GLT1D1: variants seen among roughly 807,000 people sequenced by gnomAD.
The protein encoded by GLT1D1 is glycosyltransferase 1 domain containing 1.
In GLT1D1, 21 loss-of-function variants were observed where a neutral mutation model predicts 28.7. That is an observed-to-expected ratio of 0.73 (90% confidence interval 0.52 to 1.05). The LOEUF is 1.05. GLT1D1 is among the 50% of genes least tolerant of loss of function. GLT1D1 has a pLI of 0.00. For synonymous variants in GLT1D1, 147 were observed against 124.8 expected (o/e 1.18, Z -1.19); for missense variants, 343 against 330.6 (o/e 1.04, Z -0.29).
intron 1 of GLT1D1, among the ~76,000 whole-genome samples, chr12:128,872,472 C>T (rs536461427): frequency 2.0e-5 from 3 of 152,198 alleles, no homozygotes; most frequent in East Asian, 1.9e-4. Flanking sequence ...GTCATGTCAG[C>T]GGCGTGGAGA....
intron 4 of GLT1D1, chr12:128,930,382 A>C (rs774908472): frequency 1.3e-5 from 2 of 152,214 alleles, no homozygotes; most frequent in African/African-American, 4.8e-5. Flanking sequence ...CATTCTGATG[A>C]TCACATCTCA....
At chr12:128,864,857 G>A (rs1032944055) in intron 1 of GLT1D1, among the ~76,000 whole-genome samples, 2 of 152,142 alleles carry the variant, frequency 1.3e-5, no homozygotes, top group African/African-American at 4.8e-5. Context: ...GTGCCAGAGG[G>A]GTGGGCATGG....
chr12:128,945,131 G>A (rs1043632806), intron 4 of GLT1D1, 195 bp from the exon 9 acceptor site: 22 of 731,428 alleles, frequency 3.0e-5, no homozygotes, highest in Non-Finnish European at 4.8e-5. Flanking sequence ...TGAGTGATAC[G>A]CGACGACACA....
chr12:128,973,370 T>A (rs1222695447), intron 7 of GLT1D1, among the ~76,000 whole-genome samples: 1 of 143,192 alleles, frequency 7.0e-6, no homozygotes, highest in Non-Finnish European at 1.6e-5. Context: ...TTTTTTGTAT[T>A]TTTGTAGAGA....
At chr12:128,913,889 C>T (rs930094782) in intron 4 of GLT1D1, among the ~76,000 whole-genome samples, 2 of 152,202 alleles carry the variant, frequency 1.3e-5, no homozygotes, top group African/African-American at 4.8e-5. Context: ...CTGGAGGAAG[C>T]AGTCTGCTCA....
intron 1 of GLT1D1, among the ~76,000 whole-genome samples, chr12:128,861,073 A>G (rs1956353020): frequency 8.9e-6 from 1 of 112,824 alleles, no homozygotes; most frequent in Non-Finnish European, 2.2e-5. Context: ...GAGTTGTTTC[A>G]AAGGGTGCCC....
chr12:128,866,521 C>G (rs1354368363), intron 1 of GLT1D1, among the ~76,000 whole-genome samples: 1 of 151,246 alleles, frequency 6.6e-6, no homozygotes, highest in African/African-American at 2.4e-5. Context: ...CTCTGGGAAC[C>G]ACCATTCTGC....
intron 4 of GLT1D1, among the ~76,000 whole-genome samples, chr12:128,909,603 A>G (rs909230136): frequency 2.6e-5 from 4 of 152,226 alleles, no homozygotes; most frequent in African/African-American, 9.6e-5. Flanking sequence ...CTGTATTTCA[A>G]AAATAATCTA....
At position 128,944,936 on chromosome 12, in the gene GLT1D1, A is replaced by T. The variant is rs530613245; in HGVS notation, c.376-390A>T. The T allele has an allele frequency of 9.5e-6, 5 of 528,968 alleles. No individual in the cohort carries two copies. The African/African-American group carries it at 9.7e-5, about 10-fold the overall frequency. The allele number at this position is 528,968 out of a possible 1,614,324, so 32.8% of individuals were successfully genotyped here. A position where few individuals can be genotyped will look rare whatever the true frequency, so the allele number is the denominator to read the frequency against. Reference sequence around the variant, plus strand: ...TACATTAGGTATTTCTCGTAACGCTATCCCTCCTCCAGCCCCCGACCCCCA... The same window carrying T: ...TACATTAGGTATTTCTCGTAACGCTTTCCCTCCTCCAGCCCCCGACCCCCA... On this transcript the variant is annotated intron_variant, in intron 4 of 7. Coordinates refer to ENST00000281703, the MANE Select transcript of GLT1D1 (RefSeq NM_144669.3).
intron 4 of GLT1D1, among the ~76,000 whole-genome samples, chr12:128,917,893 C>A (rs764527956): frequency 1.7e-4 from 26 of 152,138 alleles, no homozygotes; most frequent in Non-Finnish European, 2.1e-4. Context: ...ATTAGTTCAA[C>A]CGTTTTGGAA....
At chr12:128,961,639 A>T (rs1593194297) in intron 7 of GLT1D1, among the ~76,000 whole-genome samples, 1 of 152,208 alleles carries the variant, frequency 6.6e-6, no homozygotes, top group African/African-American at 2.4e-5. Context: ...GCAGGAGAAG[A>T]TGGATGTCCC....
At chr12:128,907,993 G>A (rs536255322) in intron 4 of GLT1D1, among the ~76,000 whole-genome samples, 3 of 152,198 alleles carry the variant, frequency 2.0e-5, no homozygotes, top group Non-Finnish European at 4.4e-5. Context: ...TCCTGTTGAT[G>A]TTCCTGTTTC....
At chr12:128,875,862 C>T (rs1157264402) in intron 1 of GLT1D1, 52 bp from the exon 2 acceptor site, 30 of 1,496,672 alleles carry the variant, frequency 2.0e-5, no homozygotes, top group Non-Finnish European at 2.7e-5. Flanking sequence ...CAACCTGTTA[C>T]ATATTAACAT....
chr12:128,899,813 A>G (rs1225275573), intron 4 of GLT1D1, among the ~76,000 whole-genome samples: 1 of 151,990 alleles, frequency 6.6e-6, no homozygotes, highest in Non-Finnish European at 1.5e-5. Flanking sequence ...CAGCATCCCA[A>G]AGTGCCGGGA....
intron 4 of GLT1D1, among the ~76,000 whole-genome samples, chr12:128,929,462 G>A (rs1302878347): frequency 2.0e-5 from 3 of 152,162 alleles, no homozygotes; most frequent in African/African-American, 7.2e-5. Flanking sequence ...GGTCCCTAAA[G>A]CAGCAGTGTC....
At chr12:128,913,645 C>T (rs994419949) in intron 4 of GLT1D1, among the ~76,000 whole-genome samples, 5 of 152,218 alleles carry the variant, frequency 3.3e-5, no homozygotes, top group Admixed American at 6.5e-5. Context: ...TGAGGCCAGG[C>T]GTTCGGGCCT....
At chr12:128,946,635 CTTTTTTTTTTTTTTTTT>C (rs61498838) in intron 5 of GLT1D1, among the ~76,000 whole-genome samples, 3 of 64,160 alleles carry the variant, frequency 4.7e-5, no homozygotes. Context: ...GCCCGGCCTC[CTTTTTTTTTTTTTTTTT>C]TTTTTTTTTT....
intron 4 of GLT1D1, among the ~76,000 whole-genome samples, chr12:128,900,321 T>C (rs1362743063): frequency 6.6e-6 from 1 of 152,248 alleles, no homozygotes; most frequent in Non-Finnish European, 1.5e-5. Flanking sequence ...ACAGGGCTTA[T>C]GCCCTGATCA....
intron 1 of GLT1D1, among the ~76,000 whole-genome samples, chr12:128,858,336 G>T (rs1956274845): frequency 6.6e-6 from 1 of 152,150 alleles, no homozygotes; most frequent in Non-Finnish European, 1.5e-5. Context: ...ATCTTGAAAT[G>T]GCCCTGCAGA....
Sources: allele counts gnomAD v4.1 joint callset (sites outside exome capture counted in the v4.1 genomes callset), GRCh38; gene constraint gnomAD v4.1.1; transcripts MANE v1.5; gene names NCBI Gene and HGNC (gene_info 2026-07-23, HGNC 2026-07-21).